The following CACNA2D3 variants were observed in gnomAD, a reference collection of about 807,000 sequenced individuals.
CACNA2D3 encodes the protein voltage-dependent calcium channel subunit alpha-2/delta-3.
In CACNA2D3, 60 loss-of-function variants were observed where a neutral mutation model predicts 160.6. The observed-to-expected ratio is 0.37, with a 90% confidence interval of 0.30 to 0.46. The LOEUF is 0.46. Ranked by LOEUF, CACNA2D3 falls within the 20% of genes least tolerant of loss-of-function variation. CACNA2D3 has a pLI of 1.00. For missense variants in CACNA2D3, 1,205 were observed against 1,365.0 expected, an observed-to-expected ratio of 0.88 and a Z score of 1.85; for synonymous variants, 558 against 492.9, an observed-to-expected ratio of 1.13 and a Z score of -1.75.
At chr3:54,761,008 G>C (rs1702070750) in intron 12 of CACNA2D3, among the ~76,000 whole-genome samples, 1 of 152,106 alleles carries the variant, frequency 6.6e-6, no homozygotes, top group Non-Finnish European at 1.5e-5. Context: ...TGATAAGCAA[G>C]GACAAGTGGG....
intron 2 of CACNA2D3, among the ~76,000 whole-genome samples, chr3:54,161,534 G>A (rs1700344332): frequency 1.3e-5 from 2 of 152,202 alleles, no homozygotes; most frequent in Admixed American, 1.3e-4. Flanking sequence ...TAACTGAATG[G>A]CATATATGCT....
chr3:54,652,150 C>T (rs536082321), intron 11 of CACNA2D3, among the ~76,000 whole-genome samples: 142 of 152,152 alleles, frequency 9.3e-4, no homozygotes, highest in Admixed American at 1.4e-3. Context: ...AGCCTCCACA[C>T]GACCGTCACT....
chr3:54,352,653 G>A (rs1402066620), intron 3 of CACNA2D3, among the ~76,000 whole-genome samples: 2 of 152,200 alleles, frequency 1.3e-5, no homozygotes, highest in Non-Finnish European at 2.9e-5. Context: ...CAAAGCCCCC[G>A]CAGTTTGGGG....
At chr3:54,152,284 AC>A (rs1277991613) in intron 2 of CACNA2D3, among the ~76,000 whole-genome samples, 2 of 152,194 alleles carry the variant, frequency 1.3e-5, no homozygotes, top group Non-Finnish European at 2.9e-5. Context: ...TGAGTGCGCT[AC>A]ACGCCACACC....
intron 11 of CACNA2D3, among the ~76,000 whole-genome samples, chr3:54,719,234 T>C (rs1701124761): frequency 6.6e-6 from 1 of 151,224 alleles, no homozygotes; most frequent in South Asian, 2.1e-4. Flanking sequence ...GCACATATTC[T>C]TACCTCTTTC....
intron 29 of CACNA2D3, among the ~76,000 whole-genome samples, chr3:54,974,973 G>T (rs1423486359): frequency 6.6e-6 from 1 of 152,144 alleles, no homozygotes; most frequent in Non-Finnish European, 1.5e-5. Flanking sequence ...GAAGGGAATT[G>T]AATATTATTT....
intron 2 of CACNA2D3, among the ~76,000 whole-genome samples, chr3:54,252,686 A>T (rs9812090): frequency 1.3e-3 from 199 of 151,784 alleles, no homozygotes; most frequent in Non-Finnish European, 1.0e-3. Flanking sequence ...GACCAGCCGT[A>T]TGATATAGTT....
At chr3:54,700,937 A>C (rs1700757156) in intron 11 of CACNA2D3, among the ~76,000 whole-genome samples, 1 of 152,202 alleles carries the variant, frequency 6.6e-6, no homozygotes, top group Non-Finnish European at 1.5e-5. Flanking sequence ...TTAGCCATTG[A>C]ACCACCTCCC....
chr3:54,493,182 A>G (rs951259623), intron 4 of CACNA2D3, among the ~76,000 whole-genome samples: 1 of 142,716 alleles, frequency 7.0e-6, no homozygotes, highest in Non-Finnish European at 1.5e-5. Flanking sequence ...GGTTCAAGCA[A>G]TTCTCCTGCC....
At chr3:54,918,992 T>G in intron 27 of CACNA2D3, 1 of 916,638 alleles carries the variant, frequency 1.1e-6, no homozygotes, top group Non-Finnish European at 1.5e-6. Flanking sequence ...ATTTATGAAG[T>G]ACCTTTTTTT....
chr3:54,136,294 A>C (rs1393872749), intron 2 of CACNA2D3, among the ~76,000 whole-genome samples: 12 of 152,218 alleles, frequency 7.9e-5, no homozygotes, highest in Non-Finnish European at 1.8e-4. Flanking sequence ...TTCAACACTA[A>C]TAAACTATCT....
chr3:54,169,040 G>A (rs890097305), intron 2 of CACNA2D3, among the ~76,000 whole-genome samples: 12 of 152,222 alleles, frequency 7.9e-5, no homozygotes, highest in African/African-American at 2.9e-4. Context: ...CTGAGAATAT[G>A]AAACATGCCA....
At chr3:54,524,988 TTTA>T (rs1325135374) in intron 5 of CACNA2D3, among the ~76,000 whole-genome samples, 28 of 152,236 alleles carry the variant, frequency 1.8e-4, no homozygotes, top group Admixed American at 1.4e-3. Flanking sequence ...TTAATTCACA[TTTA>T]TTATTAAGTC....
At chr3:54,927,933 C>T (rs1426540111) in intron 27 of CACNA2D3, 1 of 1,613,330 alleles carries the variant, frequency 6.2e-7, no homozygotes, top group Admixed American at 1.7e-5. Context: ...CTTGGGCGTC[C>T]TTGCTGACCT....
chr3:55,007,838 G>C lies in CACNA2D3; in HGVS notation c.2815G>C (p.Val939Leu). ...SAVKWIMTEL[V>L]LFLVEFNLCS... is the part of the protein sequence containing the mutation. ...AGTAAAATGGATCATGACAGAACTT[G>C]TCTTGTAAGTAAAATCTGCTGCATT... The change falls in exon 33 of 38, where the codon GTC becomes CTC. Residue 939 changes from valine (V) to leucine (L), a missense_variant. Physicochemically the swap from Val to Leu is conservative, Grantham distance 32. This residue lies in a region of CACNA2D3 where 911 missense variants were observed against 1,002.2 expected (regional missense o/e 0.91). Coordinates refer to ENST00000474759, the MANE Select transcript of CACNA2D3 (RefSeq NM_018398.3). The C allele has an allele frequency of 2.6e-6, 4 of 1,542,308 alleles. No individual in the cohort carries two copies. Among genetic ancestry groups the C allele is most frequent in the Non-Finnish European group, 3.5e-6 (4 of 1,148,252 alleles).
chr3:54,309,083 T>C (rs1444294357), intron 2 of CACNA2D3, among the ~76,000 whole-genome samples: 6 of 152,252 alleles, frequency 3.9e-5, no homozygotes, highest in Non-Finnish European at 8.8e-5. Context: ...GTTGTGAGGA[T>C]GTATGTATAG....
chr3:54,606,142 CTT>C (rs1288494213), intron 9 of CACNA2D3, among the ~76,000 whole-genome samples: 2 of 131,704 alleles, frequency 1.5e-5, no homozygotes, highest in Non-Finnish European at 3.2e-5. Flanking sequence ...TGTAATGTAA[CTT>C]TATATATATA....
At chr3:54,864,706 T>C (rs956182361) in intron 17 of CACNA2D3, among the ~76,000 whole-genome samples, 1 of 152,180 alleles carries the variant, frequency 6.6e-6, no homozygotes, top group Non-Finnish European at 1.5e-5. Context: ...TGACTGTTAA[T>C]GGGTCTTCTG....
intron 4 of CACNA2D3, among the ~76,000 whole-genome samples, chr3:54,393,806 T>G (rs1699324280): frequency 6.6e-6 from 1 of 152,240 alleles, no homozygotes; most frequent in Admixed American, 6.5e-5. Context: ...CTGGGACACC[T>G]TGCCCTACTG....
Sources: gnomAD v4.1 joint callset for allele counts (sites outside exome capture counted in the v4.1 genomes callset) on GRCh38, gnomAD v4.1.1 for gene constraint, gnomAD v4.1.1 regional missense constraint, MANE v1.5 for transcripts, NCBI Gene and HGNC (gene_info 2026-07-23, HGNC 2026-07-21) for gene names.